Variants in PBRM1 observed in about 807,000 individuals in gnomAD.
The protein encoded by PBRM1 is protein polybromo-1.
In PBRM1, 27 loss-of-function variants were observed where a neutral mutation model predicts 194.5. That is an observed-to-expected ratio of 0.14 (90% CI 0.10 to 0.19). The LOEUF (loss-of-function observed/expected upper bound fraction) is 0.19. PBRM1 is among the 10% of genes least tolerant of loss of function. The pLI is 1.00. For synonymous variants in PBRM1, 655 were observed against 693.2 expected (o/e 0.94, Z 0.87); for missense variants, 1,466 against 2,077.2 (o/e 0.71, Z 5.72).
At chr3:52,590,118 C>A (rs2153814255) in intron 17 of PBRM1, among the ~76,000 whole-genome samples, 1 of 152,088 alleles carries the variant, frequency 6.6e-6, no homozygotes, top group East Asian at 2.0e-4. Context: ...AGCCACCGCG[C>A]CCAGATGACT....
intron 2 of PBRM1, among the ~76,000 whole-genome samples, chr3:52,669,139 AT>A (rs2096899226): frequency 6.6e-6 from 1 of 152,216 alleles, no homozygotes; most frequent in African/African-American, 2.4e-5. Context: ...TACAATAGCA[AT>A]TACTAAAATT....
chr3:52,596,330 C>T (rs1344816924), intron 17 of PBRM1, among the ~76,000 whole-genome samples: 2 of 150,610 alleles, frequency 1.3e-5, no homozygotes, highest in African/African-American at 4.9e-5. Context: ...CCCAGCTACT[C>T]GGGGGGCTGA....
At chr3:52,626,137 T>A (rs1477226356) in intron 13 of PBRM1, among the ~76,000 whole-genome samples, 1 of 152,200 alleles carries the variant, frequency 6.6e-6, no homozygotes, top group Non-Finnish European at 1.5e-5. Flanking sequence ...GAGTTACATA[T>A]TTACACTCAA....
At chr3:52,589,442 A>G (rs933974906) in intron 17 of PBRM1, among the ~76,000 whole-genome samples, 187 bp from the exon 20 acceptor site, 3 of 152,246 alleles carry the variant, frequency 2.0e-5, no homozygotes, top group Admixed American at 2.0e-4. Flanking sequence ...ACTCAAAACT[A>G]TCTTTGAATT....
chr3:52,683,933 G>C (rs1413369917), upstream of PBRM1, among the ~76,000 whole-genome samples: 2 of 125,830 alleles, frequency 1.6e-5, no homozygotes, highest in Non-Finnish European at 3.4e-5. Context: ...CACTTGGAGA[G>C]GCTGAGGCAG....
chr3:52,682,040 C>T (rs142017588), upstream of PBRM1: 3 of 153,750 alleles, frequency 2.0e-5, no homozygotes, highest in East Asian at 5.5e-4. Flanking sequence ...ATTTTAAAAC[C>T]AAATGCTTTC....
At chr3:52,677,838 C>T (rs1316232324) in intron 2 of PBRM1, among the ~76,000 whole-genome samples, 1 of 152,096 alleles carries the variant, frequency 6.6e-6, no homozygotes, top group Non-Finnish European at 1.5e-5. Context: ...GGTGGGATTA[C>T]AGGCGTGAGC....
At chr3:52,607,506 T>C (rs2094409020) in intron 16 of PBRM1, among the ~76,000 whole-genome samples, 1 of 152,182 alleles carries the variant, frequency 6.6e-6, no homozygotes, top group Non-Finnish European at 1.5e-5. Context: ...ATTTCATCTA[T>C]AAGACATAAA....
intron 22 of PBRM1, among the ~76,000 whole-genome samples, chr3:52,575,426 A>G (rs1250843394): frequency 6.6e-6 from 1 of 152,140 alleles, no homozygotes; most frequent in Non-Finnish European, 1.5e-5. Flanking sequence ...GCCCATTCAT[A>G]AGAAAAAACA....
At chr3:52,646,241 A>C (rs2096285788) in intron 7 of PBRM1, among the ~76,000 whole-genome samples, 1 of 152,218 alleles carries the variant, frequency 6.6e-6, no homozygotes. Context: ...TACCAACAGC[A>C]ATTTTGAGTA....
intron 4 of PBRM1, among the ~76,000 whole-genome samples, chr3:52,658,884 T>C (rs995353778): frequency 6.6e-6 from 1 of 152,218 alleles, no homozygotes; most frequent in African/African-American, 2.4e-5. Context: ...ACAGTAAATA[T>C]TGCAATGGCA....
chr3:52,618,591 GTTTTTTTTT>G (rs67103558), intron 13 of PBRM1, among the ~76,000 whole-genome samples: 1 of 123,510 alleles, frequency 8.1e-6, no homozygotes, highest in African/African-American at 2.9e-5. Flanking sequence ...TTATGACTTA[GTTTTTTTTT>G]TTTTTTTTTT....
intron 10 of PBRM1, among the ~76,000 whole-genome samples, chr3:52,637,060 G>A (rs896634354): frequency 2.0e-5 from 3 of 152,054 alleles, no homozygotes; most frequent in Non-Finnish European, 4.4e-5. Flanking sequence ...GGAGCTAGAA[G>A]CAGATAAGAA....
intron 17 of PBRM1, among the ~76,000 whole-genome samples, chr3:52,599,600 A>G (rs1302553040): frequency 6.6e-6 from 1 of 151,476 alleles, no homozygotes; most frequent in Non-Finnish European, 1.5e-5. Context: ...TCATGAGGTC[A>G]GGAGATCGAG....
At position 52,634,596 on chromosome 3, in the gene PBRM1, TC is replaced by T. The variant is rs773870368; in HGVS notation, c.1301+5del. 443 of 1,544,212 alleles carry T rather than the reference TC, an allele frequency of 2.9e-4. No homozygotes were observed. The highest frequency in any genetic ancestry group is 3.8e-4 in the Admixed American group (23 of 59,896). On this transcript the variant is annotated splice_donor_5th_base_variant and intron_variant, in intron 11 of 29. Transcript: ENST00000296302. Reference sequence around the variant, plus strand: ...ATTATACTGAATAATGTAGAAGACATCTTACCGGATCTGTTGTAGTGATATG... The same window carrying T: ...ATTATACTGAATAATGTAGAAGACATTTACCGGATCTGTTGTAGTGATATG...
intron 13 of PBRM1, among the ~76,000 whole-genome samples, chr3:52,620,840 A>G (rs574566892): frequency 6.6e-6 from 1 of 152,210 alleles, no homozygotes; most frequent in Non-Finnish European, 1.5e-5. Context: ...AGCCTCAAAG[A>G]AAGCAAAATT....
At chr3:52,556,571 A>C (rs1430791804) in intron 26 of PBRM1, among the ~76,000 whole-genome samples, 2 of 152,210 alleles carry the variant, frequency 1.3e-5, no homozygotes, top group African/African-American at 4.8e-5. Flanking sequence ...GAAAGACATG[A>C]CACTTGTCTT....
exon 27 of PBRM1, chr3:52,554,790 G>C (rs201036766): frequency 1.3e-6 from 2 of 1,591,018 alleles, no homozygotes; most frequent in South Asian, 2.3e-5. Context: ...GGCCCCCCAG[G>C]GTGAAGTGGC....
At chr3:52,602,050 C>A (rs986511775) in intron 17 of PBRM1, among the ~76,000 whole-genome samples, 1 of 152,186 alleles carries the variant, frequency 6.6e-6, no homozygotes, top group Non-Finnish European at 1.5e-5. Flanking sequence ...CCCCAGGCCC[C>A]TGGATGGAAT....
Sources: allele counts gnomAD v4.1 joint callset (sites outside exome capture counted in the v4.1 genomes callset), GRCh38; gene constraint gnomAD v4.1.1; transcripts MANE v1.5; gene names NCBI Gene and HGNC (gene_info 2026-07-23, HGNC 2026-07-21).